RAPGEF4: variants seen among roughly 807,000 people sequenced by gnomAD.
The protein encoded by RAPGEF4 is RAP guanine-nucleotide-exchange factor (GEF) 4.
RAPGEF4 carries 66 observed loss-of-function variants against 147.9 expected under a neutral mutation model. The ratio of observed to expected loss-of-function variants is 0.45; its 90% CI spans 0.37 to 0.55. The LOEUF is 0.55. RAPGEF4 is among the 20% of genes least tolerant of loss of function. RAPGEF4 has a pLI of 0.00. For synonymous variants in RAPGEF4, 419 were observed against 442.7 expected (o/e 0.95, Z 0.67); for missense variants, 1,071 against 1,257.3 (o/e 0.85, Z 2.24).
At position 172,762,812 on chromosome 2, in the gene RAPGEF4, T is replaced by A. The variant is rs557809931; in HGVS notation, c.65+26764T>A. ...CATGGACCTGCTATCTTAGCTGATA[T>A]ACACATAGGGAAGTGGCGAGTGGGG... On this transcript the variant is annotated intron_variant, in intron 1 of 30. Transcript: ENST00000397081. 2.6e-5 allele frequency among the ~76,000 whole-genome samples: 4 copies of A among 152,290 alleles called. No homozygotes were observed. In the East Asian group the frequency reaches 7.7e-4, roughly 29 times the overall value.
rs542962952 is a variant in RAPGEF4, at chr2:172,771,043, A to G, written c.66-23982A>G. On this transcript the variant is annotated intron_variant, in intron 1 of 30. Transcript: ENST00000397081. ...TTAGTCTGTTCAGGTTGTTATAACA[A>G]AGTACATAGGCTGGTCATTTATAAA... Among the ~76,000 whole-genome samples, 33 of 152,332 alleles carry G rather than the reference A, an allele frequency of 2.2e-4. No individual in the cohort carries two copies. The South Asian group carries it at 2.5e-3, about 11-fold the overall frequency.
At chr2:172,935,489 C>T (rs1218801840) in intron 6 of RAPGEF4, among the ~76,000 whole-genome samples, 7 of 152,116 alleles carry the variant, frequency 4.6e-5, no homozygotes, top group Non-Finnish European at 8.8e-5. Flanking sequence ...CATTGCTTCT[C>T]GCCAGTGATG....
At chr2:172,975,268 T>G (rs1380750011) in intron 10 of RAPGEF4, among the ~76,000 whole-genome samples, 1 of 152,170 alleles carries the variant, frequency 6.6e-6, no homozygotes, top group East Asian at 1.9e-4. Context: ...GTCAATTTAC[T>G]CCACAGCAAC....
intron 1 of RAPGEF4, among the ~76,000 whole-genome samples, chr2:172,758,372 T>C (rs1000370593): frequency 6.6e-6 from 1 of 152,030 alleles, no homozygotes; most frequent in African/African-American, 2.4e-5. Flanking sequence ...TTACTCTGAG[T>C]GAAATAGGAG....
intron 4 of RAPGEF4, among the ~76,000 whole-genome samples, chr2:172,867,002 A>G (rs1210183549): frequency 1.4e-5 from 2 of 142,330 alleles, no homozygotes; most frequent in Admixed American, 7.3e-5. Flanking sequence ...CCAGGCTGCC[A>G]GGCTGCCAGG....
intron 22 of RAPGEF4, among the ~76,000 whole-genome samples, chr2:173,020,377 T>C (rs1695960522): frequency 6.6e-6 from 1 of 152,178 alleles, no homozygotes; most frequent in Non-Finnish European, 1.5e-5. Flanking sequence ...CAAAACTGGG[T>C]GAATTGACCC....
intron 6 of RAPGEF4, among the ~76,000 whole-genome samples, chr2:172,938,276 C>T (rs976145166): frequency 8.6e-5 from 13 of 151,778 alleles, no homozygotes; most frequent in African/African-American, 2.9e-4. Flanking sequence ...TTTGGCTAAG[C>T]ATGACTTCAT....
At chr2:172,928,505 C>T (rs1685599564) in intron 6 of RAPGEF4, among the ~76,000 whole-genome samples, 1 of 152,070 alleles carries the variant, frequency 6.6e-6, no homozygotes, top group African/African-American at 2.4e-5. Context: ...CTAGGACCTG[C>T]TTGCCGTGAG....
At chr2:172,978,310 A>C (rs1029371550) in intron 10 of RAPGEF4, among the ~76,000 whole-genome samples, 1 of 152,198 alleles carries the variant, frequency 6.6e-6, no homozygotes, top group African/African-American at 2.4e-5. Context: ...GGCTCACACC[A>C]TCCCCTTTCC....
chr2:172,892,434 A>G (rs562821728), intron 4 of RAPGEF4, among the ~76,000 whole-genome samples: 1 of 152,198 alleles, frequency 6.6e-6, no homozygotes, highest in East Asian at 1.9e-4. Flanking sequence ...GTGCACATCA[A>G]CACCCCTCCC....
chr2:172,778,570 G>T (rs1266825198), intron 1 of RAPGEF4, among the ~76,000 whole-genome samples: 2 of 152,006 alleles, frequency 1.3e-5, no homozygotes, highest in Admixed American at 6.6e-5. Context: ...TGTGAAAATG[G>T]TTTAGAACCA....
intron 3 of RAPGEF4, among the ~76,000 whole-genome samples, chr2:172,803,948 C>T (rs558257555): frequency 2.2e-4 from 34 of 152,290 alleles, no homozygotes; most frequent in African/African-American, 7.9e-4. Context: ...TTCCTCATCT[C>T]CATCTGAGAC....
intron 18 of RAPGEF4, 113 bp from the exon 19 acceptor site, chr2:173,016,236 G>A: frequency 1.4e-6 from 1 of 704,282 alleles, no homozygotes; most frequent in South Asian, 1.8e-5. Flanking sequence ...TGAAGCCATG[G>A]TCTGGAGATG....
chr2:172,785,700 G>T (rs1355228685), intron 1 of RAPGEF4, among the ~76,000 whole-genome samples: 1 of 152,148 alleles, frequency 6.6e-6, no homozygotes, highest in Non-Finnish European at 1.5e-5. Context: ...CCTATAAGAT[G>T]ACAGTGTTAT....
intron 17 of RAPGEF4, among the ~76,000 whole-genome samples, chr2:173,005,863 G>A (rs957583023): frequency 1.3e-5 from 2 of 152,156 alleles, no homozygotes; most frequent in Non-Finnish European, 2.9e-5. Context: ...GTACAGGGAG[G>A]TCTAATAACT....
At chr2:172,750,560 G>T (rs975593090) in intron 1 of RAPGEF4, among the ~76,000 whole-genome samples, 5 of 152,148 alleles carry the variant, frequency 3.3e-5, no homozygotes, top group Admixed American at 1.3e-4. Flanking sequence ...TTCAAGATGA[G>T]ATTTGGGTGA....
chr2:172,880,885 CTT>C (rs1359836216), intron 4 of RAPGEF4, among the ~76,000 whole-genome samples: 2 of 152,208 alleles, frequency 1.3e-5, no homozygotes, highest in Non-Finnish European at 2.9e-5. Flanking sequence ...GTTGTTCACT[CTT>C]AGTGATTGTT....
chr2:172,904,215 A>C (rs1196540271), intron 4 of RAPGEF4, among the ~76,000 whole-genome samples: 2 of 152,190 alleles, frequency 1.3e-5, no homozygotes, highest in African/African-American at 4.8e-5. Context: ...CAGAATAATT[A>C]TAGTAATATT....
At chr2:172,786,387 T>G (rs745982477) in intron 1 of RAPGEF4, among the ~76,000 whole-genome samples, 1 of 152,198 alleles carries the variant, frequency 6.6e-6, no homozygotes, top group Non-Finnish European at 1.5e-5. Context: ...ACTGTTGGCA[T>G]TTTGCTCATC....
Sources: gnomAD v4.1 joint callset for allele counts (sites outside exome capture counted in the v4.1 genomes callset) on GRCh38, gnomAD v4.1.1 for gene constraint, MANE v1.5 for transcripts, NCBI Gene and HGNC (gene_info 2026-07-23, HGNC 2026-07-21) for gene names.